ST18: variants seen among roughly 807,000 people sequenced by gnomAD.
ST18 encodes ST18 C2H2C-type zinc finger transcription factor, also known as suppression of tumorigenicity 18 protein.
A neutral mutation model predicts 110.0 loss-of-function variants in ST18; 50 were observed. That is an observed-to-expected ratio of 0.45 (90% CI 0.36 to 0.58). The LOEUF is 0.58. Ranked by LOEUF, ST18 falls within the 20% of genes least tolerant of loss-of-function variation. The probability of loss-of-function intolerance (pLI) is 0.00; values close to 1 mark genes in which losing one functional copy is unlikely to be tolerated. For synonymous variants in ST18, 461 were observed against 452.4 expected (o/e 1.02, Z -0.24); for missense variants, 1,306 against 1,280.1 (o/e 1.02, Z -0.31).
Position 52,339,052 on chromosome 8 carries a change from G to A in ST18, c.-465+70276C>T, listed in dbSNP as rs1813587601. On this transcript the variant is annotated intron_variant, in intron 2 of 25. Transcript: ENST00000689386. Reference sequence around the variant, plus strand: ...CAGAAGTTCACTTGCAAAGTGGCTGGGTTCTCTGCTTAGGGTTTCATGAGT... The same window carrying A: ...CAGAAGTTCACTTGCAAAGTGGCTGAGTTCTCTGCTTAGGGTTTCATGAGT... 2.6e-5 allele frequency among the ~76,000 whole-genome samples: 4 copies of A among 152,090 alleles called. No individual in the cohort carries two copies. In the South Asian group the frequency reaches 8.3e-4, roughly 32 times the overall value.
intron 2 of ST18, among the ~76,000 whole-genome samples, chr8:52,274,602 TC>T (rs2138979864): frequency 6.6e-6 from 1 of 152,260 alleles, no homozygotes; most frequent in African/African-American, 2.4e-5. Context: ...CAAGGGTAGG[TC>T]CTGTTTGCTC....
intron 2 of ST18, among the ~76,000 whole-genome samples, chr8:52,379,583 G>A (rs1334726661): frequency 6.6e-6 from 1 of 151,394 alleles, no homozygotes; most frequent in Non-Finnish European, 1.5e-5. Context: ...ACATGCAGAT[G>A]GATTTTGTAG....
chr8:52,292,495 T>C (rs993689168), intron 2 of ST18, among the ~76,000 whole-genome samples: 1 of 152,234 alleles, frequency 6.6e-6, no homozygotes, highest in African/African-American at 2.4e-5. Flanking sequence ...TTCTTACAAG[T>C]ATATGCACCT....
chr8:52,324,532 C>T (rs1805433785), intron 2 of ST18, among the ~76,000 whole-genome samples: 2 of 152,024 alleles, frequency 1.3e-5, no homozygotes, highest in African/African-American at 2.4e-5. Flanking sequence ...TGGAAGGAAC[C>T]ATGTAGGCAG....
intron 24 of ST18, among the ~76,000 whole-genome samples, chr8:52,116,775 C>T (rs565535765): frequency 2.9e-4 from 44 of 152,266 alleles, no homozygotes; most frequent in African/African-American, 1.0e-3. Context: ...GTAGTGCAGA[C>T]CCCCCATGGC....
At chr8:52,253,850 T>C (rs2094431420) in intron 2 of ST18, among the ~76,000 whole-genome samples, 1 of 152,140 alleles carries the variant, frequency 6.6e-6, no homozygotes, top group South Asian at 2.1e-4. Flanking sequence ...CAAAAATCTA[T>C]ATGAACAAAG....
intron 2 of ST18, among the ~76,000 whole-genome samples, chr8:52,355,473 T>C (rs1047386119): frequency 2.0e-5 from 3 of 152,190 alleles, no homozygotes; most frequent in African/African-American, 7.2e-5. Context: ...TGGATAATGA[T>C]AATAAAGATT....
At chr8:52,400,476 T>C (rs988051997) in intron 2 of ST18, among the ~76,000 whole-genome samples, 3 of 152,106 alleles carry the variant, frequency 2.0e-5, no homozygotes, top group South Asian at 4.1e-4. Flanking sequence ...TTGTTTTCGG[T>C]TGTTTTGTAG....
chr8:52,387,162 G>T (rs1837116464), intron 2 of ST18, among the ~76,000 whole-genome samples: 1 of 149,210 alleles, frequency 6.7e-6, no homozygotes, highest in African/African-American at 2.5e-5. Flanking sequence ...CCTTCCTTTT[G>T]GTTTTTTGTC....
intron 2 of ST18, among the ~76,000 whole-genome samples, chr8:52,378,942 A>G (rs1200548800): frequency 6.6e-6 from 1 of 152,166 alleles, no homozygotes; most frequent in East Asian, 1.9e-4. Context: ...GAGCTGCTGC[A>G]AGCAATGATT....
chr8:52,233,035 TA>T (rs2091845369), intron 2 of ST18, among the ~76,000 whole-genome samples: 1 of 152,166 alleles, frequency 6.6e-6, no homozygotes, highest in South Asian at 2.1e-4. Flanking sequence ...GTTCCACAGA[TA>T]TTTATTTTAA....
chr8:52,169,972 G>A (rs942145084), intron 10 of ST18, among the ~76,000 whole-genome samples: 2 of 152,082 alleles, frequency 1.3e-5, no homozygotes, highest in African/African-American at 4.8e-5. Context: ...AAAAAAAGAA[G>A]TTTCAAAAGC....
At chr8:52,209,761 A>G (rs182407322) in intron 8 of ST18, among the ~76,000 whole-genome samples, 75 of 118,816 alleles carry the variant, frequency 6.3e-4, no homozygotes, top group Non-Finnish European at 1.7e-4. Context: ...CAAGAGCGAA[A>G]CTCCATCTCA....
chr8:52,228,102 A>C (rs950536372), intron 3 of ST18, among the ~76,000 whole-genome samples: 6 of 152,228 alleles, frequency 3.9e-5, no homozygotes, highest in African/African-American at 1.4e-4. Flanking sequence ...CCAGTTAAGG[A>C]GAATTTACAA....
At position 52,319,922 on chromosome 8, in the gene ST18, C is replaced by T. The variant is rs893802339; in HGVS notation, c.-465+89406G>A. 5.9e-5 allele frequency among the ~76,000 whole-genome samples: 9 copies of T among 152,224 alleles called. No homozygotes were observed. The South Asian group carries it at 6.2e-4, about 11-fold the overall frequency. Reference sequence around the variant, plus strand: ...CAAACAGTGAGTATTCCAAGACGAACGGGTGGAAGCTGGACAGCCTTTTCT... The same window carrying T: ...CAAACAGTGAGTATTCCAAGACGAATGGGTGGAAGCTGGACAGCCTTTTCT... On this transcript the variant is annotated intron_variant, in intron 2 of 25. Transcript: ENST00000689386.
intron 22 of ST18, among the ~76,000 whole-genome samples, chr8:52,128,542 G>A (rs2047975137): frequency 6.6e-6 from 1 of 152,060 alleles, no homozygotes; most frequent in Non-Finnish European, 1.5e-5. Context: ...GAGATTTAAA[G>A]CAAGGTTTGA....
chr8:52,146,613 G>C (rs545123072), intron 16 of ST18, among the ~76,000 whole-genome samples: 1 of 152,176 alleles, frequency 6.6e-6, no homozygotes, highest in South Asian at 2.1e-4. Flanking sequence ...GGGATAATGA[G>C]ACATTGCGTA....
chr8:52,405,038 GA>G (rs1321641011), intron 2 of ST18: 1 of 152,134 alleles, frequency 6.6e-6, no homozygotes, highest in Non-Finnish European at 1.5e-5. Flanking sequence ...AATGAATGCA[GA>G]GCTTAGATTA....
chr8:52,271,623 G>A (rs995321592), intron 2 of ST18, among the ~76,000 whole-genome samples: 15 of 152,166 alleles, frequency 9.9e-5, no homozygotes, highest in Admixed American at 2.6e-4. Context: ...CCACCCATGC[G>A]TTATTAATAC....
Sources: gnomAD v4.1 joint callset for allele counts (sites outside exome capture counted in the v4.1 genomes callset) on GRCh38, gnomAD v4.1.1 for gene constraint, MANE v1.5 for transcripts, NCBI Gene and HGNC (gene_info 2026-07-23, HGNC 2026-07-21) for gene names.